The following DLC1 variants were observed in gnomAD, a reference collection of about 807,000 sequenced individuals.
DLC1 encodes rho GTPase-activating protein 7.
A neutral mutation model predicts 140.3 loss-of-function variants in DLC1; 54 were observed. That is an observed-to-expected ratio of 0.38 (90% confidence interval 0.31 to 0.48). DLC1 has a LOEUF of 0.48. Ranked by LOEUF, DLC1 falls within the 20% of genes least tolerant of loss-of-function variation. The probability of loss-of-function intolerance (pLI) is 0.96; values close to 1 mark genes in which losing one functional copy is unlikely to be tolerated. For missense variants in DLC1, 2,536 were observed against 1,907.0 expected (o/e 1.33, Z -6.14); for synonymous variants, 986 against 728.1 (o/e 1.35, Z -5.70).
intron 5 of DLC1, among the ~76,000 whole-genome samples, chr8:13,163,948 T>A (rs1162425647): frequency 1.3e-5 from 2 of 152,096 alleles, no homozygotes; most frequent in East Asian, 3.9e-4. Flanking sequence ...AAGGCTTCAG[T>A]GAGCCATGAC....
chr8:13,114,901 G>A (rs900620109), intron 6 of DLC1, among the ~76,000 whole-genome samples: 6 of 152,138 alleles, frequency 3.9e-5, no homozygotes, highest in South Asian at 4.1e-4. Context: ...AAATTGGTAC[G>A]GGCACTTTCG....
intron 4 of DLC1, among the ~76,000 whole-genome samples, chr8:13,323,971 G>A (rs1833230104): frequency 6.6e-6 from 1 of 152,206 alleles, no homozygotes; most frequent in African/African-American, 2.4e-5. Context: ...CAGTTAATGT[G>A]TCCCCATGTC....
At chr8:13,450,622 T>A (rs1014247056) in intron 2 of DLC1, among the ~76,000 whole-genome samples, 1 of 152,162 alleles carries the variant, frequency 6.6e-6, no homozygotes. Context: ...TTAATTTTGT[T>A]AGAATATAAC....
intron 1 of DLC1, among the ~76,000 whole-genome samples, chr8:13,543,950 T>C (rs1563431088): frequency 6.6e-6 from 1 of 151,786 alleles, no homozygotes; most frequent in African/African-American, 2.4e-5. Flanking sequence ...ATTACACAGT[T>C]CATCCATGCA....
chr8:13,170,622 C>G (rs531375689), intron 5 of DLC1, among the ~76,000 whole-genome samples: 7 of 149,504 alleles, frequency 4.7e-5, no homozygotes, highest in Non-Finnish European at 7.4e-5. Context: ...CCCAGCTAGT[C>G]GGGAGGCTGA....
At chr8:13,416,020 G>T (rs1234277839) in intron 2 of DLC1, among the ~76,000 whole-genome samples, 4 of 152,044 alleles carry the variant, frequency 2.6e-5, no homozygotes, top group Non-Finnish European at 5.9e-5. Flanking sequence ...TTGTGAAAAG[G>T]AAAAAAGCCT....
At chr8:13,455,252 C>A (rs1585138107) in intron 2 of DLC1, among the ~76,000 whole-genome samples, 1 of 152,228 alleles carries the variant, frequency 6.6e-6, no homozygotes, top group South Asian at 2.1e-4. Flanking sequence ...TGTACAGATG[C>A]ACACAATTGT....
At chr8:13,264,828 CA>C (rs987185953) in intron 5 of DLC1, among the ~76,000 whole-genome samples, 3 of 152,094 alleles carry the variant, frequency 2.0e-5, no homozygotes, top group Middle Eastern at 3.4e-3. Flanking sequence ...GATATTGAAA[CA>C]AAAAACAATG....
At chr8:13,212,264 C>T (rs1290224837) in intron 5 of DLC1, among the ~76,000 whole-genome samples, 1 of 152,142 alleles carries the variant, frequency 6.6e-6, no homozygotes, top group Non-Finnish European at 1.5e-5. Flanking sequence ...CCAGAATTCC[C>T]TCTGCCCTGT....
intron 4 of DLC1, among the ~76,000 whole-genome samples, chr8:13,328,974 G>T (rs1040882238): frequency 3.9e-5 from 6 of 152,214 alleles, no homozygotes; most frequent in Non-Finnish European, 7.3e-5. Context: ...ATGTGAAGGG[G>T]ATGGGAAGCT....
At chr8:13,311,173 C>G (rs997462929) in intron 4 of DLC1, among the ~76,000 whole-genome samples, 3 of 152,162 alleles carry the variant, frequency 2.0e-5, no homozygotes, top group African/African-American at 7.2e-5. Context: ...TTAGCTCTTT[C>G]TCTGTCATTT....
At chr8:13,539,907 G>C (rs62492085) in intron 1 of DLC1, among the ~76,000 whole-genome samples, 18,427 of 152,032 alleles carry the variant, frequency 0.12, 1,290 homozygotes, top group Non-Finnish European at 0.14. Context: ...CTTTTCTTGA[G>C]CAATTCTAGA....
intron 5 of DLC1, among the ~76,000 whole-genome samples, chr8:13,199,461 T>C (rs1269131938): frequency 6.6e-6 from 1 of 152,116 alleles, no homozygotes; most frequent in Non-Finnish European, 1.5e-5. Context: ...GATTACAGGC[T>C]TGAGCCACTG....
rs546370210 is a variant in DLC1 at position 13,526,113 on chromosome 8, A to G, written c.-125-25917T>C. Reference sequence around the variant, plus strand: ...AATTTTCTTTGCACCTTTAACAAAAATCAATTGACCAACTATGTGTCTTCC... The same window carrying G: ...AATTTTCTTTGCACCTTTAACAAAAGTCAATTGACCAACTATGTGTCTTCC... On this transcript the variant is annotated intron_variant, in intron 1 of 1. Coordinates refer to the DLC1 transcript ENST00000631382. 2.6e-5 allele frequency among the ~76,000 whole-genome samples: 4 copies of G among 152,336 alleles called. No individual in the cohort carries two copies. In the South Asian group the frequency reaches 8.3e-4, roughly 32 times the overall value.
chr8:13,189,837 G>A (rs567161657), intron 5 of DLC1, among the ~76,000 whole-genome samples: 40 of 151,790 alleles, frequency 2.6e-4, no homozygotes, highest in African/African-American at 8.2e-4. Context: ...AGCCAAGATC[G>A]CGCCATTGCA....
intron 1 of DLC1, among the ~76,000 whole-genome samples, chr8:13,582,918 A>ATG (rs1554547816): frequency 7.8e-6 from 1 of 127,972 alleles, no homozygotes; most frequent in African/African-American, 3.0e-5. Flanking sequence ...ATATATATAT[A>ATG]TGTGGTGTAA....
chr8:13,320,818 C>A (rs1477047250), intron 4 of DLC1, among the ~76,000 whole-genome samples: 1 of 152,258 alleles, frequency 6.6e-6, no homozygotes, highest in South Asian at 2.1e-4. Flanking sequence ...AGTTCTAGAC[C>A]AGCCTGAGTA....
At chr8:13,094,139 G>A (rs1374151558) in intron 12 of DLC1, among the ~76,000 whole-genome samples, 1 of 152,128 alleles carries the variant, frequency 6.6e-6, no homozygotes, top group African/African-American at 2.4e-5. Context: ...AGAGATCTTC[G>A]TACCTGATCT....
intron 5 of DLC1, among the ~76,000 whole-genome samples, chr8:13,237,100 T>C (rs918070472): frequency 6.6e-6 from 1 of 151,708 alleles, no homozygotes; most frequent in African/African-American, 2.4e-5. Flanking sequence ...TTATATCTCT[T>C]CTGTTGTTTT....
Sources: allele counts gnomAD v4.1 joint callset (sites outside exome capture counted in the v4.1 genomes callset), GRCh38; gene constraint gnomAD v4.1.1; transcripts MANE v1.5; gene names NCBI Gene and HGNC (gene_info 2026-07-23, HGNC 2026-07-21).